The following CSMD1 variants were observed in gnomAD, a reference collection of about 807,000 sequenced individuals.
CSMD1 encodes CUB and sushi domain-containing protein 1.
CSMD1 carries 213 observed loss-of-function variants against 417.5 expected under a neutral mutation model. The observed-to-expected ratio is 0.51, with a 90% CI of 0.46 to 0.57. The LOEUF (loss-of-function observed/expected upper bound fraction) is 0.57. Among genes scored for constraint, CSMD1 ranks in the 20% least tolerant of loss-of-function variants. The probability of loss-of-function intolerance (pLI) is 0.00; values close to 1 mark genes in which losing one functional copy is unlikely to be tolerated. For missense variants in CSMD1, 6,923 were observed against 4,529.7 expected (o/e 1.53, Z -15.17); for synonymous variants, 2,862 against 1,736.8 (o/e 1.65, Z -16.11).
At chr8:3,660,397 T>C (rs1215144520) in intron 7 of CSMD1, among the ~76,000 whole-genome samples, 1 of 151,942 alleles carries the variant, frequency 6.6e-6, no homozygotes, top group East Asian at 1.9e-4. Flanking sequence ...TCCACGTATG[T>C]TGGCATTTCT....
At chr8:4,025,217 C>G (rs1249697954) in intron 4 of CSMD1, among the ~76,000 whole-genome samples, 1 of 152,216 alleles carries the variant, frequency 6.6e-6, no homozygotes, top group Admixed American at 6.5e-5. Flanking sequence ...TGTTAGCTTT[C>G]TCATGGAGGA....
rs529074677 is a variant in CSMD1, at chr8:4,170,728, T to C, written c.416-138629A>G. Among the ~76,000 whole-genome samples the C allele has an allele frequency of 1.2e-4, 18 of 152,014 alleles. No individual in the cohort carries two copies. In the South Asian group the frequency reaches 3.7e-3, roughly 31 times the overall value. On this transcript the variant is annotated intron_variant, in intron 3 of 69. Coordinates refer to ENST00000635120, the MANE Select transcript of CSMD1 (RefSeq NM_033225.6). Reference sequence around the variant, plus strand: ...ATATAGCTAGCATGTGGATTTTTTTTTTTCTAAATTAATACTGTTTAGAAA... The same window carrying C: ...ATATAGCTAGCATGTGGATTTTTTTCTTTCTAAATTAATACTGTTTAGAAA...
At position 3,121,839 on chromosome 8, in the gene CSMD1, A is replaced by C. The variant is rs993614471; in HGVS notation, c.6242-3252T>G. 3.9e-5 allele frequency among the ~76,000 whole-genome samples: 6 copies of C among 152,114 alleles called. No individual in the cohort carries two copies. In the East Asian group the frequency reaches 1.2e-3, roughly 29 times the overall value. On this transcript the variant is annotated intron_variant, in intron 41 of 69. Transcript: ENST00000635120. ...ACAAACAAACAAAAAACAGATACAA[A>C]GGAGTATTGCCTAATTAACAAGATC...
intron 3 of CSMD1, among the ~76,000 whole-genome samples, chr8:4,319,961 T>C (rs1439899270): frequency 4.6e-5 from 7 of 152,214 alleles, no homozygotes; most frequent in African/African-American, 1.7e-4. Context: ...TGTTTGGATT[T>C]TTACAGGCAG....
intron 2 of CSMD1, among the ~76,000 whole-genome samples, chr8:4,631,340 A>G (rs1195042116): frequency 1.3e-5 from 2 of 151,864 alleles, no homozygotes; most frequent in Non-Finnish European, 1.5e-5. Context: ...CCAGCCTGGG[A>G]GACAGGGCAA....
At chr8:4,473,218 A>C (rs1330538969) in intron 2 of CSMD1, among the ~76,000 whole-genome samples, 3 of 152,198 alleles carry the variant, frequency 2.0e-5, no homozygotes, top group Admixed American at 6.5e-5. Flanking sequence ...AATGATTAAA[A>C]AGTTTTAAAT....
At chr8:4,242,773 T>C (rs1045529243) in intron 3 of CSMD1, among the ~76,000 whole-genome samples, 1 of 152,156 alleles carries the variant, frequency 6.6e-6, no homozygotes, top group Admixed American at 6.5e-5. Context: ...GATGGAAAGA[T>C]GGTAATTTAT....
chr8:3,899,774 G>A (rs1047122499), intron 5 of CSMD1, among the ~76,000 whole-genome samples: 1 of 152,184 alleles, frequency 6.6e-6, no homozygotes, highest in Non-Finnish European at 1.5e-5. Flanking sequence ...TCAGGGCACA[G>A]TTTTGACCTG....
intron 3 of CSMD1, among the ~76,000 whole-genome samples, chr8:4,230,216 T>C (rs920573472): frequency 3.9e-5 from 6 of 152,324 alleles, no homozygotes; most frequent in East Asian, 1.9e-4. Context: ...TTCCCTCTAA[T>C]CTTAATAAAT....
At chr8:3,543,756 T>A (rs1049652722) in intron 10 of CSMD1, among the ~76,000 whole-genome samples, 2 of 152,200 alleles carry the variant, frequency 1.3e-5, no homozygotes, top group Non-Finnish European at 2.9e-5. Context: ...TGTTGGACAC[T>A]TAGTGGAGAT....
At chr8:3,993,685 TAAAGTAACAGATG>T (rs1424215074) in intron 5 of CSMD1, among the ~76,000 whole-genome samples, 2 of 152,196 alleles carry the variant, frequency 1.3e-5, no homozygotes, top group African/African-American at 4.8e-5. Context: ...TAAAAAATCA[TAAAGTAACAGATG>T]TTTCTTTTGA....
intron 2 of CSMD1, among the ~76,000 whole-genome samples, chr8:4,621,081 T>C (rs1474081951): frequency 6.6e-6 from 1 of 152,046 alleles, no homozygotes; most frequent in African/African-American, 2.4e-5. Context: ...CTTAGAATAA[T>C]AACAGCAGCT....
rs913069083 is a variant in CSMD1, at chr8:3,903,940, G to C, written c.818+93963C>G. On this transcript the variant is annotated intron_variant, in intron 5 of 69. Coordinates refer to ENST00000635120, the MANE Select transcript of CSMD1 (RefSeq NM_033225.6). The stretch of plus-strand genomic sequence containing the variant: ...CATGTACCTCTTTGGTTCACTATTT[G>C]TTTCTCATTTGGATTAAACCTGGAA... Among the ~76,000 whole-genome samples, 3 of 151,928 alleles carry C rather than the reference G, an allele frequency of 2.0e-5. No individual in the cohort carries two copies. In the East Asian group the frequency reaches 5.8e-4, roughly 29 times the overall value.
At chr8:4,233,114 T>G (rs1801841737) in intron 3 of CSMD1, among the ~76,000 whole-genome samples, 1 of 152,256 alleles carries the variant, frequency 6.6e-6, no homozygotes, top group Non-Finnish European at 1.5e-5. Context: ...TGGAAAATGC[T>G]ATCACTTATC....
chr8:4,457,753 A>G (rs1478857489), intron 2 of CSMD1, among the ~76,000 whole-genome samples: 1 of 152,154 alleles, frequency 6.6e-6, no homozygotes, highest in African/African-American at 2.4e-5. Context: ...ATCCAGCAGC[A>G]TAGGACACCT....
At chr8:4,066,455 T>C (rs1339827373) in intron 3 of CSMD1, among the ~76,000 whole-genome samples, 2 of 152,156 alleles carry the variant, frequency 1.3e-5, no homozygotes, top group Non-Finnish European at 2.9e-5. Flanking sequence ...CCCGATAATA[T>C]TTTCCAAATA....
intron 37 of CSMD1, among the ~76,000 whole-genome samples, chr8:3,172,783 G>A (rs1309521228): frequency 6.6e-6 from 1 of 152,208 alleles, no homozygotes; most frequent in Non-Finnish European, 1.5e-5. Context: ...CACAAGGGCA[G>A]TTGAACCCAA....
At chr8:4,595,995 C>T (rs1012951709) in intron 2 of CSMD1, among the ~76,000 whole-genome samples, 2 of 152,120 alleles carry the variant, frequency 1.3e-5, no homozygotes, top group African/African-American at 2.4e-5. Flanking sequence ...CCCACATCTC[C>T]CCATAACCAG....
chr8:3,028,233 G>A (rs1466052249), intron 51 of CSMD1, among the ~76,000 whole-genome samples: 3 of 152,200 alleles, frequency 2.0e-5, no homozygotes, highest in Non-Finnish European at 4.4e-5. Flanking sequence ...AAAGGTTAGA[G>A]TTCCTGACTC....
Sources: allele counts gnomAD v4.1 joint callset (sites outside exome capture counted in the v4.1 genomes callset), GRCh38; gene constraint gnomAD v4.1.1; transcripts MANE v1.5; gene names NCBI Gene and HGNC (gene_info 2026-07-23, HGNC 2026-07-21).